MTA3: variants seen among roughly 807,000 people sequenced by gnomAD.
MTA3 encodes the protein metastasis-associated protein MTA3.
MTA3 carries 34 observed loss-of-function variants against 83.5 expected under a neutral mutation model. The observed-to-expected ratio is 0.41, with a 90% CI of 0.31 to 0.54. The LOEUF (loss-of-function observed/expected upper bound fraction) is 0.54. Among genes scored for constraint, MTA3 ranks in the 20% least tolerant of loss-of-function variants. The probability of loss-of-function intolerance (pLI) is 0.33; values close to 1 mark genes in which losing one functional copy is unlikely to be tolerated. For missense variants in MTA3, 761 were observed against 726.4 expected, an observed-to-expected ratio of 1.05 and a Z score of -0.55; for synonymous variants, 303 against 252.7, an observed-to-expected ratio of 1.20 and a Z score of -1.89.
In MTA3 at chr2:42,732,665, CTA is replaced by C. The variant is rs570846310; in HGVS notation, c.1759+9632_1759+9633del. 4.4e-3 allele frequency among the ~76,000 whole-genome samples: 665 copies of C among 152,304 alleles called. 8 individuals carry two copies. Among genetic ancestry groups the C allele is most frequent in the African/African-American group, 0.015 (614 of 41,568 alleles). On this transcript the variant is annotated intron_variant, in intron 16 of 16. Transcript: ENST00000405094. ...TCCCCAGAAAATGGGTTTTTCTTTT[CTA>C]TCGCATAGTCAGGCTGCAAATATTC...
At chr2:42,591,938 C>T (rs541896628) in intron 3 of MTA3, among the ~76,000 whole-genome samples, 2 of 152,136 alleles carry the variant, frequency 1.3e-5, no homozygotes, top group South Asian at 2.1e-4. Flanking sequence ...CGTGAGCCAC[C>T]GTGCCTGGCC....
chr2:42,579,426 TA>T (rs1325863844), intron 3 of MTA3, among the ~76,000 whole-genome samples: 4 of 65,608 alleles, frequency 6.1e-5, no homozygotes, highest in African/African-American at 1.2e-4. Context: ...TATATATATA[TA>T]TATTTTTTTT....
chr2:42,541,729 A>T (rs1327871611), intron 2 of MTA3, among the ~76,000 whole-genome samples: 1 of 152,162 alleles, frequency 6.6e-6, no homozygotes, highest in Non-Finnish European at 1.5e-5. Flanking sequence ...TCACAGTAGC[A>T]ATTGATTAGG....
At chr2:42,751,238 A>G (rs1669850276) in intron 16 of MTA3, among the ~76,000 whole-genome samples, 1 of 152,222 alleles carries the variant, frequency 6.6e-6, no homozygotes, top group Non-Finnish European at 1.5e-5. Context: ...CCATTAGGGA[A>G]AATTTTGCAA....
chr2:42,545,941 A>T (rs1337899250), intron 2 of MTA3, among the ~76,000 whole-genome samples: 2 of 152,162 alleles, frequency 1.3e-5, no homozygotes, highest in African/African-American at 4.8e-5. Flanking sequence ...GGTATCTGGA[A>T]CGTGCCTTCC....
At chr2:42,633,069 C>A (rs1686838992) in intron 4 of MTA3, among the ~76,000 whole-genome samples, 2 of 151,582 alleles carry the variant, frequency 1.3e-5, no homozygotes, top group Admixed American at 1.3e-4. Context: ...TCGAGACCAT[C>A]CTGGCCAACA....
chr2:42,643,043 C>A (rs373041769), intron 5 of MTA3, among the ~76,000 whole-genome samples: 5 of 147,030 alleles, frequency 3.4e-5, no homozygotes, highest in African/African-American at 5.0e-5. Context: ...CTCCCCCCCC[C>A]CCCTTTTTTT....
At chr2:42,636,267 G>T (rs1303792879) in intron 4 of MTA3, among the ~76,000 whole-genome samples, 1 of 152,140 alleles carries the variant, frequency 6.6e-6, no homozygotes, top group Non-Finnish European at 1.5e-5. Context: ...TGGGCCAAGT[G>T]TGGTGGCTCA....
Position 42,755,824 on chromosome 2 carries a change from G to T in MTA3, c.*2425G>T, listed in dbSNP as rs905728787. The T allele has an allele frequency of 1.0e-6, 1 of 985,566 alleles. No individual in the cohort carries two copies. The highest frequency in any genetic ancestry group is 1.2e-6 in the Non-Finnish European group (1 of 830,038). 61.1% of individuals were successfully genotyped at this position (985,566 alleles called of 1,614,324 possible). ...GCAGAGACTGTCTGCGCAGCCCCCA[G>T]CAGACATGCCCCTGGGGTGAGGACA... On this transcript the variant is annotated 3_prime_UTR_variant, in exon 17 of 17. Transcript: ENST00000405094.
At position 42,573,536 on chromosome 2, in the gene MTA3, A is replaced by T. The variant is rs542122216; in HGVS notation, c.96+3032A>T. 7.4e-4 allele frequency among the ~76,000 whole-genome samples: 113 copies of T among 151,984 alleles called. 1 individual carries two copies. The highest frequency in any genetic ancestry group is 2.6e-3 in the African/African-American group (106 of 41,450). ...TAATTTTTTGTTGTTGTTGCTATGG[A>T]TTCTTGCTCTGTTGCCCAGGCTGGA... On this transcript the variant is annotated intron_variant, in intron 2 of 16. Coordinates refer to ENST00000405094, the MANE Select transcript of MTA3 (RefSeq NM_001330442.2).
At chr2:42,673,708 C>G (rs1691057191) in intron 8 of MTA3, among the ~76,000 whole-genome samples, 1 of 152,160 alleles carries the variant, frequency 6.6e-6, no homozygotes, top group East Asian at 1.9e-4. Flanking sequence ...GAATGAAGGC[C>G]TCAGCTGACT....
At chr2:42,538,568 C>T (rs558256756) in intron 2 of MTA3, among the ~76,000 whole-genome samples, 1 of 151,336 alleles carries the variant, frequency 6.6e-6, no homozygotes, top group Non-Finnish European at 1.5e-5. Flanking sequence ...ATTAGCTGGG[C>T]GTGGTAGTGG....
chr2:42,545,951 C>T (rs918866039), intron 2 of MTA3, among the ~76,000 whole-genome samples: 1 of 152,022 alleles, frequency 6.6e-6, no homozygotes, highest in Non-Finnish European at 1.5e-5. Flanking sequence ...ACGTGCCTTC[C>T]CAGAAAGATT....
At chr2:42,705,404 G>T (rs1339130030) in intron 12 of MTA3, among the ~76,000 whole-genome samples, 2 of 152,176 alleles carry the variant, frequency 1.3e-5, no homozygotes, top group Non-Finnish European at 2.9e-5. Flanking sequence ...GGCTTAACCT[G>T]TCTTGATTTT....
At chr2:42,531,779 CGG>C (rs376049893) in intron 2 of MTA3, among the ~76,000 whole-genome samples, 81 of 145,258 alleles carry the variant, frequency 5.6e-4, no homozygotes, top group African/African-American at 2.0e-3. Context: ...TTTTTTGAGA[CGG>C]AGTCTCGCTC....
At chr2:42,563,677 A>C (rs1204993870), upstream of MTA3, among the ~76,000 whole-genome samples, 1 of 151,948 alleles carries the variant, frequency 6.6e-6, no homozygotes, top group African/African-American at 2.4e-5. Context: ...CATGTTAGCC[A>C]GGACGGTCTC....
chr2:42,735,822 A>T (rs1668567696), intron 16 of MTA3, among the ~76,000 whole-genome samples: 1 of 152,110 alleles, frequency 6.6e-6, no homozygotes, highest in Non-Finnish European at 1.5e-5. Flanking sequence ...AAATTATTTC[A>T]GCATCTTTCT....
rs57792480 is a variant in MTA3 at position 42,543,647 on chromosome 2, A to AT, written c.-140-26771dup. Among the ~76,000 whole-genome samples, 501 of 115,098 alleles carry AT rather than the reference A, an allele frequency of 4.4e-3. 4 individuals are homozygous for AT. The highest frequency in any genetic ancestry group is 0.026 in the East Asian group (106 of 4,142). The allele number at this position is 115,098 out of a possible 152,430, so 75.5% of individuals were successfully genotyped here. ...ACTATACTCACTTGGGAGGTTACTG[A>AT]TTTTTTTTTTTTTTTTTTTGTACAG... is the stretch of plus-strand genomic sequence containing the variant. On this transcript the variant is annotated intron_variant, in intron 2 of 17. Coordinates refer to the MTA3 transcript ENST00000405592.
intron 14 of MTA3, among the ~76,000 whole-genome samples, chr2:42,717,399 C>G (rs571667346): frequency 6.6e-6 from 1 of 152,172 alleles, no homozygotes; most frequent in Admixed American, 6.5e-5. Context: ...TAGAATCATA[C>G]AGGTTAAAGT....
Sources: gnomAD v4.1 joint callset for allele counts (sites outside exome capture counted in the v4.1 genomes callset) on GRCh38, gnomAD v4.1.1 for gene constraint, MANE v1.5 for transcripts, NCBI Gene and HGNC (gene_info 2026-07-23, HGNC 2026-07-21) for gene names.